RORA: variants seen among roughly 807,000 people sequenced by gnomAD.
RORA encodes the protein nuclear receptor ROR-alpha.
A neutral mutation model predicts 69.5 loss-of-function variants in RORA; 7 were observed. The ratio of observed to expected loss-of-function variants is 0.10; its 90% CI spans 0.06 to 0.19. The LOEUF is 0.19. Among genes scored for constraint, RORA ranks in the 10% least tolerant of loss-of-function variants. RORA has a pLI of 1.00. For missense variants in RORA, 457 were observed against 663.0 expected (o/e 0.69, Z 3.41); for synonymous variants, 261 against 240.8 (o/e 1.08, Z -0.78).
intron 1 of RORA, among the ~76,000 whole-genome samples, chr15:60,767,204 T>G (rs749038777): frequency 9.2e-5 from 14 of 152,278 alleles, no homozygotes; most frequent in Admixed American, 4.6e-4. Flanking sequence ...TTTTCTAGAC[T>G]GAGGTGGTGG....
chr15:60,875,851 C>A (rs116168871), intron 1 of RORA, among the ~76,000 whole-genome samples: 2 of 152,124 alleles, frequency 1.3e-5, no homozygotes, highest in Admixed American at 1.3e-4. Flanking sequence ...TGAACCAGAA[C>A]GCCTGCAGGA....
At chr15:60,683,129 G>A (rs3848120) in intron 1 of RORA, among the ~76,000 whole-genome samples, 85,769 of 151,850 alleles carry the variant, frequency 0.56, 25,527 homozygotes, top group East Asian at 0.71. Context: ...TCTCACCTCA[G>A]CCTCCCTAGT....
In RORA at chr15:60,901,709, G is replaced by A. The variant is rs73430100; in HGVS notation, c.167-223023C>T. On this transcript the variant is annotated intron_variant, in intron 1 of 10. Transcript: ENST00000335670. ...GATGCATGAGCCTGTTGGGCACTAC[G>A]CAACTTCTCAAACTCTGGCATCAGG... is the stretch of plus-strand genomic sequence containing the variant. 1.4e-4 allele frequency among the ~76,000 whole-genome samples: 21 copies of A among 152,308 alleles called. 1 individual carries two copies. Among genetic ancestry groups the A allele is most frequent in the South Asian group, 1.0e-3 (5 of 4,824 alleles).
At chr15:60,600,271 G>A (rs1002243669) in intron 2 of RORA, among the ~76,000 whole-genome samples, 4 of 152,222 alleles carry the variant, frequency 2.6e-5, no homozygotes, top group African/African-American at 4.8e-5. Context: ...CTCGCAGCTA[G>A]GAGCGTTCCA....
intron 1 of RORA, among the ~76,000 whole-genome samples, chr15:60,779,181 T>A (rs139342024): frequency 6.6e-6 from 1 of 152,200 alleles, no homozygotes; most frequent in African/African-American, 2.4e-5. Flanking sequence ...TGAAGGCTCA[T>A]CAGACTTTTC....
At chr15:60,999,944 C>T (rs1217385325) in intron 1 of RORA, among the ~76,000 whole-genome samples, 2 of 152,222 alleles carry the variant, frequency 1.3e-5, no homozygotes, top group Admixed American at 1.3e-4. Context: ...AGAAATTAAT[C>T]TGCCCCTTTC....
Position 60,497,594 on chromosome 15 carries a change from C to T in RORA, c.1433G>A (p.Arg478Lys), listed in dbSNP as rs1404419314. 6.2e-7 allele frequency: 1 copy of T among 1,612,678 alleles called. No individual in the cohort carries two copies. The highest frequency in any genetic ancestry group is 1.1e-5 in the South Asian group (1 of 91,050). ...TTCTGTATGTCGTCCACATAAGGCTCTTAAGGTAGACACCTTGCATATTAA... is the reference window on the plus strand; with the variant it reads ...TTCTGTATGTCGTCCACATAAGGCTTTTAAGGTAGACACCTTGCATATTAA... ...TKLICKVSTL[R>K]ALCGRHTEKL... Residue 478 changes from arginine to lysine, a missense_variant, in exon 11 of 11, where the codon AGA (arginine) becomes AAA (lysine). By Grantham distance (26) the Arg-to-Lys change is conservative (BLOSUM62 2). Coordinates refer to ENST00000335670, the MANE Select transcript of RORA (RefSeq NM_134261.3).
chr15:60,739,972 G>C lies in RORA; in HGVS notation c.167-61286C>G, dbSNP rs79076138. On this transcript the variant is annotated intron_variant, in intron 1 of 10. Transcript: ENST00000335670. ...ATCCAAAACAGAGGAGGAAGAAAGA[G>C]AGGTTCCATCCAAAGAAAGAGATTT... Among the ~76,000 whole-genome samples the C allele has an allele frequency of 1.7e-3, 255 of 152,246 alleles. 1 individual carries two copies. The highest frequency in any genetic ancestry group is 6.0e-3 in the African/African-American group (251 of 41,544).
At chr15:61,035,983 C>T (rs1896439852) in intron 1 of RORA, among the ~76,000 whole-genome samples, 1 of 152,122 alleles carries the variant, frequency 6.6e-6, no homozygotes, top group African/African-American at 2.4e-5. Context: ...ATGCTGCAGT[C>T]AGTGGAATGA....
intron 3 of RORA, 58 bp from the exon 4 acceptor site, chr15:60,514,815 T>C (rs1470136376): frequency 4.3e-6 from 6 of 1,400,898 alleles, no homozygotes; most frequent in Non-Finnish European, 6.0e-6. Context: ...GGTATGATAC[T>C]AAAGGCAGGA....
rs1003587846 is a variant in RORA, at chr15:60,518,145, C to T, written c.283-3388G>A. 6.6e-5 allele frequency among the ~76,000 whole-genome samples: 10 copies of T among 152,286 alleles called. No homozygotes were observed. The East Asian group carries it at 7.7e-4, about 12-fold the overall frequency. ...CCCCAAGTAGCTGGGATTCCAAGTGCGAGCCCATGTATCTGGCATTATTTC... is the reference window on the plus strand; with the variant it reads ...CCCCAAGTAGCTGGGATTCCAAGTGTGAGCCCATGTATCTGGCATTATTTC... On this transcript the variant is annotated intron_variant, in intron 3 of 10. Transcript: ENST00000335670.
At chr15:60,619,394 T>C (rs921165590) in intron 2 of RORA, among the ~76,000 whole-genome samples, 12 of 152,208 alleles carry the variant, frequency 7.9e-5, no homozygotes, top group African/African-American at 2.9e-4. Flanking sequence ...ATCTTGGGGC[T>C]ACAAATATGG....
chr15:60,978,562 T>C (rs1893941817), intron 1 of RORA, among the ~76,000 whole-genome samples: 1 of 152,202 alleles, frequency 6.6e-6, no homozygotes, highest in South Asian at 2.1e-4. Flanking sequence ...TTATTGCTTA[T>C]GTTTTTGGTG....
chr15:60,685,394 G>A (rs1323832263), intron 1 of RORA, among the ~76,000 whole-genome samples: 1 of 152,216 alleles, frequency 6.6e-6, no homozygotes, highest in East Asian at 1.9e-4. Context: ...ACGAGGCCTA[G>A]AATTTAGGCT....
chr15:60,931,946 G>A (rs1351411287), intron 1 of RORA, among the ~76,000 whole-genome samples: 4 of 152,140 alleles, frequency 2.6e-5, no homozygotes, highest in Admixed American at 2.0e-4. Flanking sequence ...ATAATGAAAT[G>A]CCAGAAATTA....
At chr15:60,855,966 T>C (rs1018349681) in intron 1 of RORA, among the ~76,000 whole-genome samples, 1 of 152,174 alleles carries the variant, frequency 6.6e-6, no homozygotes, top group Non-Finnish European at 1.5e-5. Context: ...GAACTAATAT[T>C]AAATACAGTG....
intron 2 of RORA, chr15:60,677,173 G>A (rs912442354): frequency 2.9e-5 from 13 of 456,002 alleles, no homozygotes; most frequent in Admixed American, 4.7e-5. Flanking sequence ...GGGTCCCTCC[G>A]GGCCAGGGAC....
At chr15:60,996,633 G>T (rs28479454) in intron 1 of RORA, among the ~76,000 whole-genome samples, 1 of 152,178 alleles carries the variant, frequency 6.6e-6, no homozygotes, top group African/African-American at 2.4e-5. Context: ...TCTTCAGGCC[G>T]GGCACGATGG....
chr15:60,890,916 T>G (rs1049947212), intron 1 of RORA, among the ~76,000 whole-genome samples: 18 of 152,198 alleles, frequency 1.2e-4, no homozygotes, highest in African/African-American at 4.3e-4. Context: ...TGCCCAATAG[T>G]GGGACGAGAA....
Sources: gnomAD v4.1 joint callset for allele counts (sites outside exome capture counted in the v4.1 genomes callset) on GRCh38, gnomAD v4.1.1 for gene constraint, MANE v1.5 for transcripts, NCBI Gene and HGNC (gene_info 2026-07-23, HGNC 2026-07-21) for gene names.